The following DDX60 variants were observed in gnomAD, a reference collection of about 807,000 sequenced individuals.
DDX60 encodes the protein DExD/H-box helicase 60, also known as probable ATP-dependent RNA helicase DDX60.
DDX60 carries 165 observed loss-of-function variants against 212.8 expected under a neutral mutation model. The ratio of observed to expected loss-of-function variants is 0.78; its 90% CI spans 0.68 to 0.88. The LOEUF (loss-of-function observed/expected upper bound fraction) is 0.88. Ranked by LOEUF, DDX60 falls within the 40% of genes least tolerant of loss-of-function variation. The pLI is 0.00. For synonymous variants in DDX60, 703 were observed against 685.3 expected, an observed-to-expected ratio of 1.03 and a Z score of -0.40; for missense variants, 1,905 against 2,003.9, an observed-to-expected ratio of 0.95 and a Z score of 0.94.
At chr4:168,266,624 G>C (rs1734859703) in intron 22 of DDX60, among the ~76,000 whole-genome samples, 1 of 152,110 alleles carries the variant, frequency 6.6e-6, no homozygotes. Context: ...AATATTCTAA[G>C]AGCAATATAT....
At position 168,267,563 on chromosome 4, in the gene DDX60, T is replaced by A. The variant is rs757583545; in HGVS notation, c.3039+19A>T. ...TATTTTATATTACTTAGAACAAATATGGCTAAAATATTACCTACATGATCT... is the reference window on the plus strand; with the variant it reads ...TATTTTATATTACTTAGAACAAATAAGGCTAAAATATTACCTACATGATCT... On this transcript the variant is annotated intron_variant, in intron 22 of 37. Transcript: ENST00000393743. 7.4e-7 allele frequency: 1 copy of A among 1,343,274 alleles called. No homozygotes were observed. The highest frequency in any genetic ancestry group is 1.0e-6 in the Non-Finnish European group (1 of 984,338). The allele number at this position is 1,343,274 out of a possible 1,614,324, so 83.2% of individuals were successfully genotyped here.
At chr4:168,242,396 A>G (rs1169392374) in intron 30 of DDX60, among the ~76,000 whole-genome samples, 3 of 152,234 alleles carry the variant, frequency 2.0e-5, no homozygotes, top group African/African-American at 7.2e-5. Context: ...ATGCCAGCCT[A>G]TGAAGGCAGC....
At chr4:168,235,066 C>T (rs896699675) in intron 33 of DDX60, among the ~76,000 whole-genome samples, 8 of 152,058 alleles carry the variant, frequency 5.3e-5, no homozygotes, top group African/African-American at 1.7e-4. Context: ...TAGATGGCTT[C>T]GAAAATGTCT....
Position 168,275,329 on chromosome 4 carries a change from T to A in DDX60, c.2304+16A>T. 6.3e-7 allele frequency: 1 copy of A among 1,578,688 alleles called. No individual in the cohort carries two copies. Among genetic ancestry groups the A allele is most frequent in the Non-Finnish European group, 8.6e-7 (1 of 1,164,322 alleles). On this transcript the variant is annotated intron_variant, in intron 16 of 37. Transcript: ENST00000393743. Reference sequence around the variant, plus strand: ...ATAAGAAAATACAGTAATTTTTGTTTCATTTGCAGTATTACCTGCCATGTG... The same window carrying A: ...ATAAGAAAATACAGTAATTTTTGTTACATTTGCAGTATTACCTGCCATGTG...
At chr4:168,274,327 T>C (rs368970846) in intron 16 of DDX60, among the ~76,000 whole-genome samples, 4 of 152,292 alleles carry the variant, frequency 2.6e-5, no homozygotes, top group Middle Eastern at 3.4e-3. Flanking sequence ...TGAGAAAACA[T>C]CTTGTAATTA....
chr4:168,236,048 C>T (rs1733620041), intron 33 of DDX60: 2 of 444,146 alleles, frequency 4.5e-6, no homozygotes, highest in East Asian at 4.1e-5. Context: ...TTTTTTTTCA[C>T]AAAGACTTTA....
At chr4:168,299,816 C>CA (rs1374078093) in intron 6 of DDX60, among the ~76,000 whole-genome samples, 2 of 152,124 alleles carry the variant, frequency 1.3e-5, no homozygotes, top group African/African-American at 2.4e-5. Flanking sequence ...AACTACCTCA[C>CA]AAAAAAGCAC....
Position 168,293,833 on chromosome 4 carries a change from A to G in DDX60, c.836T>C (p.Leu279Ser). Residue 279 changes from leucine (L) to serine (S), a missense_variant, in exon 7 of 38, where the codon TTA (leucine) becomes TCA (serine). Leu to Ser is a moderately radical substitution (Grantham distance 145). Transcript: ENST00000393743. Reference sequence around the variant, plus strand: ...ACCAGAGGAGGGCTCTCTGTTTCCTAAAAAGCGATGGTACATTCTCAAAGA... The same window carrying G: ...ACCAGAGGAGGGCTCTCTGTTTCCTGAAAAGCGATGGTACATTCTCAAAGA... Reference protein sequence around the residue: ...SLSLRMYHRFLGNREPSSGQE... With the variant: ...SLSLRMYHRFSGNREPSSGQE... The G allele has an allele frequency of 2.5e-6, 4 of 1,613,796 alleles. No homozygotes were observed. Among genetic ancestry groups the G allele is most frequent in the Non-Finnish European group, 3.4e-6 (4 of 1,179,854 alleles).
intron 9 of DDX60, 151 bp downstream of exon 9, chr4:168,288,023 G>A (rs1272254667): frequency 2.0e-5 from 9 of 451,182 alleles, no homozygotes; most frequent in African/African-American, 1.8e-4. Flanking sequence ...CCCTCTAATT[G>A]CAACTAAAAT....
intron 22 of DDX60, among the ~76,000 whole-genome samples, chr4:168,265,849 AGGG>A (rs1236955873): frequency 3.6e-4 from 29 of 79,758 alleles, no homozygotes; most frequent in Non-Finnish European, 4.5e-5. Context: ...AGGGAAGGGA[AGGG>A]AAGGGAAGGG....
At chr4:168,324,834 C>T in the DDX60 span, among the ~76,000 whole-genome samples, 1 of 152,156 alleles carries the variant, frequency 6.6e-6, no homozygotes, top group South Asian at 2.1e-4. Flanking sequence ...ATCAATGTAT[C>T]GTACCTGTGC....
Position 168,308,078 on chromosome 4 carries a change from G to C in DDX60, c.192C>G (p.Phe64Leu). 1 of 1,612,214 alleles carries C rather than the reference G, an allele frequency of 6.2e-7. No individual in the cohort carries two copies. The highest frequency in any genetic ancestry group is 2.2e-5 in the East Asian group (1 of 44,722). ...ISFKPGQNLH[F>L]FYLVERYLVD... ...CAAGATAGCGTTCAACCAGATAGAA[G>C]AAATGGAGGTTCTGCCCAGGCTTAA... The change falls in exon 4 of 38, where the codon TTC (phenylalanine) becomes TTG (leucine). Residue 64 changes from phenylalanine to leucine, a missense_variant. Physicochemically the swap from Phe to Leu is conservative, Grantham distance 22. Coordinates refer to ENST00000393743, the MANE Select transcript of DDX60 (RefSeq NM_017631.6).
intron 6 of DDX60, among the ~76,000 whole-genome samples, chr4:168,294,440 C>A (rs542658917): frequency 6.6e-6 from 1 of 152,074 alleles, no homozygotes; most frequent in African/African-American, 2.4e-5. Context: ...ATCTTCTGCA[C>A]AGCAAATGAA....
chr4:168,272,386 G>T (rs1274201455), intron 18 of DDX60, among the ~76,000 whole-genome samples: 3 of 152,152 alleles, frequency 2.0e-5, no homozygotes, highest in Admixed American at 2.0e-4. Flanking sequence ...CCTTGTTTAT[G>T]AACATTCAGG....
chr4:168,229,864 C>A (rs1253227843), intron 33 of DDX60, among the ~76,000 whole-genome samples: 1 of 152,068 alleles, frequency 6.6e-6, no homozygotes, highest in Non-Finnish European at 1.5e-5. Context: ...AATAGTACCT[C>A]ACATTTCAAA....
intron 14 of DDX60, 28 bp from the exon 15 acceptor site, chr4:168,276,209 T>G (rs1205710515): frequency 6.5e-7 from 1 of 1,540,922 alleles, no homozygotes; most frequent in Non-Finnish European, 8.9e-7. Flanking sequence ...AATAAAATTG[T>G]TATAAAGACC....
intron 6 of DDX60, among the ~76,000 whole-genome samples, chr4:168,296,874 C>A (rs1579067031): frequency 1.5e-5 from 2 of 134,796 alleles, no homozygotes; most frequent in African/African-American, 2.8e-5. Flanking sequence ...AAAAAGTGAT[C>A]TTTTTTTTTT....
chr4:168,257,867 G>A (rs1198533022), intron 25 of DDX60, among the ~76,000 whole-genome samples: 1 of 152,212 alleles, frequency 6.6e-6, no homozygotes, highest in Non-Finnish European at 1.5e-5. Flanking sequence ...AAAAGGGGAA[G>A]TTCACATAAG....
intron 1 of DDX60, among the ~76,000 whole-genome samples, chr4:168,313,834 T>G (rs1243276285): frequency 1.3e-5 from 2 of 152,210 alleles, no homozygotes; most frequent in Non-Finnish European, 2.9e-5. Flanking sequence ...ACTTAGAAAT[T>G]GTTTTAAGAA....
Sources: allele counts gnomAD v4.1 joint callset (sites outside exome capture counted in the v4.1 genomes callset), GRCh38; gene constraint gnomAD v4.1.1; transcripts MANE v1.5; gene names NCBI Gene and HGNC (gene_info 2026-07-23, HGNC 2026-07-21).